L3MBTL1: variants seen among roughly 807,000 people sequenced by gnomAD.
The protein encoded by L3MBTL1 is L3MBTL histone methyl-lysine binding protein 1, also known as lethal(3)malignant brain tumor-like protein 1.
L3MBTL1 carries 75 observed loss-of-function variants against 105.3 expected under a neutral mutation model. The ratio of observed to expected loss-of-function variants is 0.71; its 90% CI spans 0.59 to 0.86. The LOEUF is 0.86. Ranked by LOEUF, L3MBTL1 falls within the 40% of genes least tolerant of loss-of-function variation. The probability of loss-of-function intolerance (pLI) is 0.00; values close to 1 mark genes in which losing one functional copy is unlikely to be tolerated. For synonymous variants in L3MBTL1, 452 were observed against 436.2 expected (o/e 1.04, Z -0.45); for missense variants, 1,069 against 1,126.4 (o/e 0.95, Z 0.73).
Position 43,534,070 on chromosome 20 carries a change from G to A in L3MBTL1, c.1576G>A (p.Val526Ile). 2.5e-6 allele frequency: 4 copies of A among 1,614,020 alleles called. No homozygotes were observed. Among genetic ancestry groups the A allele is most frequent in the Non-Finnish European group, 3.4e-6 (4 of 1,179,898 alleles). The change falls in exon 14 of 22, where the codon GTC becomes ATC. Residue 526 changes from valine (V) to isoleucine (I), a missense_variant. Coordinates refer to ENST00000418998, the MANE Select transcript of L3MBTL1 (RefSeq NM_001377303.1). ...KYLEETGASAVPTWAFKVRPP... is the reference protein window; with the variant it reads ...KYLEETGASAIPTWAFKVRPP... Reference sequence around the variant, plus strand: ...TCTGGAAGAAACTGGGGCCTCTGCTGTCCCCACCTGGGCCTTCAAGGTGGT... The same window carrying A: ...TCTGGAAGAAACTGGGGCCTCTGCTATCCCCACCTGGGCCTTCAAGGTGGT...
intron 13 of L3MBTL1, 73 bp downstream of exon 13, chr20:43,533,491 G>A (rs1600945511): frequency 3.1e-6 from 4 of 1,286,090 alleles, no homozygotes; most frequent in Non-Finnish European, 2.2e-6. Context: ...CCCCTCACCA[G>A]TAGTGCCCCA....
At chr20:43,543,290 C>T (rs1201275138), downstream of L3MBTL1, among the ~76,000 whole-genome samples, 1 of 152,182 alleles carries the variant, frequency 6.6e-6, no homozygotes, top group African/African-American at 2.4e-5. Flanking sequence ...CAAGTCTTAA[C>T]ATGTTTTATG....
rs774286956 is a variant in L3MBTL1, at chr20:43,533,334, G to A, written c.1437-8G>A. 1.9e-6 allele frequency: 3 copies of A among 1,613,170 alleles called. No homozygotes were observed. Among genetic ancestry groups the A allele is most frequent in the Non-Finnish European group, 2.5e-6 (3 of 1,179,652 alleles). On this transcript the variant is annotated splice_region_variant and splice_polypyrimidine_tract_variant and intron_variant, in intron 12 of 21. Transcript: ENST00000418998. ...CTCTTGGGACAGTGACATGTTCTTG[G>A]ATTTCAGGTGTGATCCCAGCAGCCC...
intron 8 of L3MBTL1, chr20:43,528,996 A>G: frequency 1.7e-6 from 1 of 601,726 alleles, no homozygotes; most frequent in Non-Finnish European, 3.0e-6. Flanking sequence ...AATTCTGGTG[A>G]CTTCTACTCA....
At chr20:43,520,843 G>A (rs1052588140) in intron 7 of L3MBTL1, among the ~76,000 whole-genome samples, 6 of 152,324 alleles carry the variant, frequency 3.9e-5, no homozygotes, top group Admixed American at 2.0e-4. Flanking sequence ...GGATCAGCAT[G>A]CTACTTAAAG....
At chr20:43,524,351 T>G (rs572254593) in intron 7 of L3MBTL1, among the ~76,000 whole-genome samples, 1 of 152,234 alleles carries the variant, frequency 6.6e-6, no homozygotes, top group Non-Finnish European at 1.5e-5. Flanking sequence ...TGTTCTTTTA[T>G]TTAACAAATA....
At chr20:43,526,254 C>T (rs2019026125) in intron 7 of L3MBTL1, among the ~76,000 whole-genome samples, 1 of 152,068 alleles carries the variant, frequency 6.6e-6, no homozygotes, top group African/African-American at 2.4e-5. Context: ...GAAAGTCATC[C>T]AGGGAGGAAG....
chr20:43,527,460 C>T (rs1338848873), intron 7 of L3MBTL1, among the ~76,000 whole-genome samples: 1 of 152,152 alleles, frequency 6.6e-6, no homozygotes, highest in Non-Finnish European at 1.5e-5. Context: ...ATTGAAGGTG[C>T]TGCAGGAGTA....
At chr20:43,510,646 AC>A (rs2018110486) in intron 1 of L3MBTL1, among the ~76,000 whole-genome samples, 1 of 149,836 alleles carries the variant, frequency 6.7e-6, no homozygotes, top group African/African-American at 2.5e-5. Flanking sequence ...TGAACTCCTG[AC>A]CTCAGGTGAT....
At chr20:43,543,152 A>G (rs1376793862), downstream of L3MBTL1, among the ~76,000 whole-genome samples, 1 of 151,142 alleles carries the variant, frequency 6.6e-6, no homozygotes, top group Admixed American at 6.6e-5. Flanking sequence ...CATCCACCCT[A>G]TTAAATGTTA....
chr20:43,514,809 G>A (rs1453146143), intron 4 of L3MBTL1, 33 bp downstream of exon 4: 2 of 1,519,772 alleles, frequency 1.3e-6, no homozygotes, highest in Non-Finnish European at 1.8e-6. Context: ...CCTGAGCTGG[G>A]CCCTGTGCGG....
rs1037972736 is a variant in L3MBTL1, at chr20:43,513,718, G to A, written c.136+79G>A. On this transcript the variant is annotated intron_variant, in intron 2 of 21. Transcript: ENST00000418998. ...CAAGCAAGTGTGGATCCTGGAGAGG[G>A]GATGACCGTTTTCACTGTCCTCCAC... 3.9e-6 allele frequency: 6 copies of A among 1,545,526 alleles called. No homozygotes were observed. In the African/African-American group the frequency reaches 8.2e-5, roughly 21 times the overall value.
In L3MBTL1 at chr20:43,514,825, G is replaced by A. The variant is rs111588606; in HGVS notation, c.502+49G>A. ...CTGAGCTGGGCCCTGTGCGGGTGGG[G>A]CGAGGCCTGAGCCCCAGAAGGTTCG... On this transcript the variant is annotated intron_variant, in intron 4 of 21. Coordinates refer to ENST00000418998, the MANE Select transcript of L3MBTL1 (RefSeq NM_001377303.1). 4.8e-3 allele frequency: 7,131 copies of A among 1,497,874 alleles called. 294 individuals are homozygous for A. In the African/African-American group the frequency reaches 0.088, roughly 18 times the overall value. 92.8% of individuals were successfully genotyped at this position (1,497,874 alleles called of 1,614,324 possible).
chr20:43,538,843 G>A (rs2019763978), intron 19 of L3MBTL1: 1 of 152,270 alleles, frequency 6.6e-6, no homozygotes, highest in African/African-American at 2.4e-5. Flanking sequence ...CCCAGATACA[G>A]GGTTTCAGAG....
In L3MBTL1 at chr20:43,541,347, C is replaced by A; in HGVS notation, c.*219C>A. On this transcript the variant is annotated 3_prime_UTR_variant, in exon 22 of 22. Transcript: ENST00000418998. The stretch of plus-strand genomic sequence containing the variant: ...GAGCTGTTTACTGTCTCTGAGCCTA[C>A]ATCTTCTTGTCTGTAAAATGGAGAT... The A allele has an allele frequency of 1.2e-6, 1 of 819,326 alleles. No individual in the cohort carries two copies. The highest frequency in any genetic ancestry group is 1.8e-6 in the Non-Finnish European group (1 of 555,782). 50.8% of individuals were successfully genotyped at this position (819,326 alleles called of 1,614,324 possible). A position where few individuals can be genotyped will look rare whatever the true frequency, so the allele number is the denominator to read the frequency against.
rs1019998146 is a variant in L3MBTL1, at chr20:43,528,762, C to T, written c.951+17C>T. On this transcript the variant is annotated intron_variant, in intron 8 of 21. Coordinates refer to ENST00000418998, the MANE Select transcript of L3MBTL1 (RefSeq NM_001377303.1). ...TTCCAGGACGTGAGTTGGACAATTT[C>T]CCCGTAGGAACAGCTTGTCTTCCTA... 3.1e-6 allele frequency: 5 copies of T among 1,593,012 alleles called. No homozygotes were observed. Among genetic ancestry groups the T allele is most frequent in the Admixed American group, 3.3e-5 (2 of 59,986 alleles).
intron 1 of L3MBTL1, among the ~76,000 whole-genome samples, chr20:43,510,767 G>T (rs931141897): frequency 6.6e-6 from 1 of 151,554 alleles, no homozygotes; most frequent in African/African-American, 2.4e-5. Context: ...ACCTAGACCG[G>T]AGTACAGTGG....
exon 19 of L3MBTL1, chr20:43,549,889 A>G (rs986851645): frequency 2.6e-5 from 4 of 152,150 alleles, no homozygotes; most frequent in Non-Finnish European, 5.9e-5. Flanking sequence ...TTGATTTCCT[A>G]CCACAACCCA....
At chr20:43,540,659 G>A (rs2019867234) in intron 20 of L3MBTL1, 94 bp from the exon 21 acceptor site, 2 of 1,199,118 alleles carry the variant, frequency 1.7e-6, no homozygotes, top group African/African-American at 3.0e-5. Context: ...AAGCAGCATT[G>A]GCACAGCTCA....
Sources: gnomAD v4.1 joint callset for allele counts (sites outside exome capture counted in the v4.1 genomes callset) on GRCh38, gnomAD v4.1.1 for gene constraint, MANE v1.5 for transcripts, NCBI Gene and HGNC (gene_info 2026-07-23, HGNC 2026-07-21) for gene names.